The following SCMH1 variants were observed in gnomAD, a reference collection of about 807,000 sequenced individuals.
SCMH1 encodes Scm polycomb group protein homolog 1.
Under a neutral mutation model 70.8 loss-of-function variants are expected in SCMH1, and 37 were observed. That is an observed-to-expected ratio of 0.52 (90% CI 0.40 to 0.69). The LOEUF (loss-of-function observed/expected upper bound fraction) is 0.69, where lower values mean the gene tolerates loss of function less well. SCMH1 is among the 30% of genes least tolerant of loss of function. The pLI is 0.00. For missense variants in SCMH1, 607 were observed against 827.3 expected (o/e 0.73, Z 3.27); for synonymous variants, 292 against 307.4 (o/e 0.95, Z 0.52).
At chr1:41,181,283 C>T (rs986422315) in intron 2 of SCMH1, among the ~76,000 whole-genome samples, 3 of 152,178 alleles carry the variant, frequency 2.0e-5, no homozygotes, top group African/African-American at 7.2e-5. Flanking sequence ...GGGACACAGG[C>T]ATGGGCTAGG....
At chr1:41,053,932 C>T (rs1332000495) in intron 10 of SCMH1, among the ~76,000 whole-genome samples, 3 of 152,016 alleles carry the variant, frequency 2.0e-5, no homozygotes, top group Non-Finnish European at 4.4e-5. Context: ...GCAAGCTCCG[C>T]CTCCCGGGTT....
intron 1 of SCMH1, among the ~76,000 whole-genome samples, chr1:41,188,751 T>C (rs1459303150): frequency 6.7e-6 from 1 of 149,336 alleles, no homozygotes; most frequent in African/African-American, 2.5e-5. Context: ...TAAGATACAA[T>C]TAAAAACTTA....
rs74069025 is a variant in SCMH1 at position 41,137,765 on chromosome 1, A to G, written c.412+5113T>C. On this transcript the variant is annotated intron_variant, in intron 6 of 14. Transcript: ENST00000337495. Reference sequence around the variant, plus strand: ...AACACAGCCCTATACCTCAGCCCTCAGGATGGGGGAGGAGAGGCTCTTCCT... The same window carrying G: ...AACACAGCCCTATACCTCAGCCCTCGGGATGGGGGAGGAGAGGCTCTTCCT... 6.6e-3 allele frequency among the ~76,000 whole-genome samples: 1,003 copies of G among 152,328 alleles called. 14 individuals are homozygous for G. Among genetic ancestry groups the G allele is most frequent in the African/African-American group, 0.023 (965 of 41,574 alleles).
chr1:41,190,987 A>G (rs1157880524), intron 1 of SCMH1, among the ~76,000 whole-genome samples: 1 of 152,012 alleles, frequency 6.6e-6, no homozygotes, highest in Non-Finnish European at 1.5e-5. Context: ...CAATCCTCCC[A>G]CCTCAGCCTT....
At position 41,125,227 on chromosome 1, in the gene SCMH1, T is replaced by TA. The variant is rs1224924472; in HGVS notation, c.413-8218_413-8217insT. 4.6e-5 allele frequency among the ~76,000 whole-genome samples: 7 copies of TA among 151,958 alleles called. No individual in the cohort carries two copies. In the East Asian group the frequency reaches 5.8e-4, roughly 13 times the overall value. On this transcript the variant is annotated intron_variant, in intron 6 of 14. Coordinates refer to ENST00000337495, the Ensembl canonical transcript of SCMH1. ...AATTTTCTCTCATTCCTTCTATATA[T>TA]TTTTTTTAGACAGGGTTTTGCTTTG...
intron 8 of SCMH1, among the ~76,000 whole-genome samples, chr1:41,084,468 C>T (rs1400636471): frequency 2.0e-5 from 3 of 152,114 alleles, no homozygotes; most frequent in South Asian, 4.1e-4. Context: ...ATTAAAAAGT[C>T]AGGAAATAAC....
At chr1:41,037,224 A>G in intron 13 of SCMH1, 138 bp downstream of exon 13, 1 of 815,522 alleles carries the variant, frequency 1.2e-6, no homozygotes, top group Non-Finnish European at 1.9e-6. Flanking sequence ...GGCCAGGCAC[A>G]AGAGTAAGTC....
intron 2 of SCMH1, among the ~76,000 whole-genome samples, chr1:41,175,611 T>C (rs1479403170): frequency 6.6e-6 from 1 of 152,172 alleles, no homozygotes; most frequent in African/African-American, 2.4e-5. Context: ...ATAAGGTCAT[T>C]TCTCTCCTGA....
Position 41,142,976 on chromosome 1 carries a change from C to T in SCMH1, c.314G>A (p.Ser105Asn). Reference sequence around the variant, plus strand: ...CCGCCAGAAGTCATTTTTGTTGTCGCTCCCATCAAGGCGCAGGCGAAGGCG... The same window carrying T: ...CCGCCAGAAGTCATTTTTGTTGTCGTTCCCATCAAGGCGCAGGCGAAGGCG... Residue 105 changes from serine (S) to asparagine (N), a missense_variant, in exon 6 of 15, where the codon AGC becomes AAC. This residue lies in a region of SCMH1 where 105 missense variants were observed against 214.5 expected (regional missense o/e 0.49). Transcript: ENST00000337495. 1 of 1,614,162 alleles carries T rather than the reference C, an allele frequency of 6.2e-7. No homozygotes were observed. The highest frequency in any genetic ancestry group is 8.5e-7 in the Non-Finnish European group (1 of 1,180,040).
intron 4 of SCMH1, among the ~76,000 whole-genome samples, chr1:41,157,041 C>T (rs542849018): frequency 6.6e-5 from 10 of 150,830 alleles, no homozygotes; most frequent in African/African-American, 2.0e-4. Flanking sequence ...ACTGTAACCC[C>T]GATCTGGACT....
intron 8 of SCMH1, among the ~76,000 whole-genome samples, chr1:41,110,186 C>A (rs537303019): frequency 6.6e-6 from 1 of 152,178 alleles, no homozygotes; most frequent in Admixed American, 6.5e-5. Context: ...TCATTCTGCC[C>A]GAGGATCTCT....
intron 8 of SCMH1, among the ~76,000 whole-genome samples, chr1:41,081,190 C>T (rs1242471177): frequency 6.6e-6 from 1 of 152,090 alleles, no homozygotes; most frequent in African/African-American, 2.4e-5. Flanking sequence ...GACATCTACA[C>T]TGAAAACTAT....
At chr1:41,241,530 G>C (rs1663542175) in intron 1 of SCMH1, among the ~76,000 whole-genome samples, 1 of 151,988 alleles carries the variant, frequency 6.6e-6, no homozygotes, top group South Asian at 2.1e-4. Context: ...GTCGACCTCT[G>C]TCTCTGCCTT....
chr1:41,198,188 A>T (rs1653486737), intron 1 of SCMH1, among the ~76,000 whole-genome samples: 1 of 152,178 alleles, frequency 6.6e-6, no homozygotes, highest in Admixed American at 6.5e-5. Flanking sequence ...TTGTCATATT[A>T]CTGATCGCTG....
chr1:41,033,732 C>A (rs1413412000), intron 13 of SCMH1, among the ~76,000 whole-genome samples: 1 of 152,226 alleles, frequency 6.6e-6, no homozygotes, highest in Non-Finnish European at 1.5e-5. Context: ...CATCCAAATT[C>A]TTTAAGACAA....
chr1:41,211,295 A>G (rs1156396852), intron 1 of SCMH1, among the ~76,000 whole-genome samples: 2 of 152,270 alleles, frequency 1.3e-5, no homozygotes, highest in Admixed American at 6.5e-5. Context: ...TACAGAATCT[A>G]TGAAGAACTT....
chr1:41,065,836 T>G (rs192934508), intron 10 of SCMH1, among the ~76,000 whole-genome samples: 1 of 151,938 alleles, frequency 6.6e-6, no homozygotes, highest in African/African-American at 2.4e-5. Flanking sequence ...TAGACCTAAA[T>G]GTAAAATGCA....
At chr1:41,150,522 C>G (rs539025061) in intron 5 of SCMH1, among the ~76,000 whole-genome samples, 2 of 152,012 alleles carry the variant, frequency 1.3e-5, no homozygotes, top group Non-Finnish European at 2.9e-5. Flanking sequence ...CAAAACAAAA[C>G]AAACCATTAT....
chr1:41,145,623 G>A (rs1644481064), intron 5 of SCMH1, among the ~76,000 whole-genome samples: 1 of 152,132 alleles, frequency 6.6e-6, no homozygotes, highest in African/African-American at 2.4e-5. Flanking sequence ...AGATTGTGTT[G>A]AATCTACAGA....
Sources: allele counts gnomAD v4.1 joint callset (sites outside exome capture counted in the v4.1 genomes callset), GRCh38; gene constraint gnomAD v4.1.1; regional missense constraint gnomAD v4.1.1; transcripts MANE v1.5; gene names NCBI Gene and HGNC (gene_info 2026-07-23, HGNC 2026-07-21).